FGF12: variants seen among roughly 807,000 people sequenced by gnomAD.
The protein encoded by FGF12 is fibroblast growth factor 12B.
In FGF12, 14 loss-of-function variants were observed where a neutral mutation model predicts 23.6. That is an observed-to-expected ratio of 0.59 (90% confidence interval 0.39 to 0.93). The LOEUF (loss-of-function observed/expected upper bound fraction) is 0.93, where lower values mean the gene tolerates loss of function less well. FGF12 is among the 40% of genes least tolerant of loss of function. The pLI, the probability that FGF12 is intolerant of heterozygous loss-of-function variation, is 0.00. For missense variants in FGF12, 175 were observed against 217.8 expected (o/e 0.80, Z 1.24); for synonymous variants, 62 against 77.3 (o/e 0.80, Z 1.04).
At chr3:192,337,170 T>G (rs1020043462) in intron 3 of FGF12, among the ~76,000 whole-genome samples, 2 of 152,176 alleles carry the variant, frequency 1.3e-5, no homozygotes, top group African/African-American at 4.8e-5. Context: ...CAGTGTATAA[T>G]TTACTTCTAT....
At position 192,358,030 on chromosome 3, in the gene FGF12, T is replaced by C. The variant is rs532818730; in HGVS notation, c.124+2398A>G. On this transcript the variant is annotated intron_variant, in intron 3 of 5. Transcript: ENST00000445105. Reference sequence around the variant, plus strand: ...AATAAAGCAAATAAATATATTACCATATACAAACCTCACAACCATAATATT... The same window carrying C: ...AATAAAGCAAATAAATATATTACCACATACAAACCTCACAACCATAATATT... Among the ~76,000 whole-genome samples the C allele has an allele frequency of 4.6e-5, 7 of 152,270 alleles. No homozygotes were observed. In the South Asian group the frequency reaches 1.2e-3, roughly 27 times the overall value.
chr3:192,370,334 A>C (rs1719172573), intron 2 of FGF12, among the ~76,000 whole-genome samples: 1 of 152,170 alleles, frequency 6.6e-6, no homozygotes, highest in African/African-American at 2.4e-5. Flanking sequence ...TTTGTGTATA[A>C]TATAACACAA....
intron 5 of FGF12, among the ~76,000 whole-genome samples, chr3:192,151,046 G>T (rs1714027158): frequency 6.8e-6 from 1 of 146,224 alleles, no homozygotes; most frequent in Non-Finnish European, 1.5e-5. Context: ...CTTGTAAGTT[G>T]GATTCCTAGG....
chr3:192,229,493 T>C (rs925306073), intron 4 of FGF12, among the ~76,000 whole-genome samples: 2 of 152,072 alleles, frequency 1.3e-5, no homozygotes, highest in African/African-American at 2.4e-5. Context: ...CAAGTGTGTG[T>C]TGATCATTGC....
intron 2 of FGF12, among the ~76,000 whole-genome samples, chr3:192,660,040 G>A (rs972966897): frequency 6.6e-6 from 1 of 151,794 alleles, no homozygotes; most frequent in Non-Finnish European, 1.5e-5. Context: ...AAATCATGCT[G>A]CTATAAAGAC....
At chr3:192,343,802 T>C (rs1003078041) in intron 3 of FGF12, among the ~76,000 whole-genome samples, 3 of 152,184 alleles carry the variant, frequency 2.0e-5, no homozygotes, top group Non-Finnish European at 4.4e-5. Context: ...TAGGGATTCA[T>C]AGAATATAAC....
intron 2 of FGF12, among the ~76,000 whole-genome samples, chr3:192,651,106 T>A (rs1396348027): frequency 6.6e-6 from 1 of 152,234 alleles, no homozygotes; most frequent in African/African-American, 2.4e-5. Context: ...GTTAAATGTG[T>A]AAATTCAGGT....
intron 2 of FGF12, among the ~76,000 whole-genome samples, chr3:192,688,645 C>A (rs73195160): frequency 0.16 from 23,816 of 152,056 alleles, 2,119 homozygotes; most frequent in African/African-American, 0.25. Flanking sequence ...CAAAATAATT[C>A]TCTAAAGAAG....
At chr3:192,602,258 C>G (rs1435783825) in intron 2 of FGF12, among the ~76,000 whole-genome samples, 1 of 151,986 alleles carries the variant, frequency 6.6e-6, no homozygotes, top group African/African-American at 2.4e-5. Context: ...CTTAAAATGG[C>G]TCAAAACATA....
intron 2 of FGF12, among the ~76,000 whole-genome samples, chr3:192,483,283 C>T (rs1723532260): frequency 6.6e-6 from 1 of 152,046 alleles, no homozygotes; most frequent in African/African-American, 2.4e-5. Context: ...AGTTCAAATG[C>T]CCCCTCTTTC....
intron 2 of FGF12, among the ~76,000 whole-genome samples, chr3:192,706,868 C>T (rs1718489158): frequency 6.6e-6 from 1 of 152,174 alleles, no homozygotes. Context: ...AGCCAAGATT[C>T]TAAGGCGACT....
In FGF12 at chr3:192,158,413, T is replaced by TTCTCTC. The variant is rs1385431512; in HGVS notation, c.427+12044_427+12045insGAGAGA. On this transcript the variant is annotated intron_variant, in intron 5 of 5. Transcript: ENST00000445105. ...TTTCTCTCTCTTTCTTTTTCTTTCT[T>TTCTCTC]TCTCTTTCTTTTTCTTTTTTCTTTC... is the stretch of plus-strand genomic sequence containing the variant. Among the ~76,000 whole-genome samples, 33 of 7,026 alleles carry TTCTCTC rather than the reference T, an allele frequency of 4.7e-3. 1 individual carries two copies. The highest frequency in any genetic ancestry group is 0.011 in the African/African-American group (33 of 3,056). 4.6% of individuals were successfully genotyped at this position (7,026 alleles called of 152,430 possible).
Position 192,427,817 on chromosome 3 carries a change from A to G in FGF12, c.14-67279T>C, listed in dbSNP as rs1721739826. 2.0e-5 allele frequency among the ~76,000 whole-genome samples: 3 copies of G among 152,204 alleles called. No individual in the cohort carries two copies. In the South Asian group the frequency reaches 6.2e-4, roughly 32 times the overall value. On this transcript the variant is annotated intron_variant, in intron 2 of 5. Coordinates refer to ENST00000445105, the MANE Select transcript of FGF12 (RefSeq NM_004113.6). ...CTCATCTGTGTGACTTCCAAGAAAC[A>G]CAGAGACAGCCACTTACTGCAGCCA...
chr3:192,510,743 G>T (rs1453633817), intron 2 of FGF12, among the ~76,000 whole-genome samples: 1 of 152,158 alleles, frequency 6.6e-6, no homozygotes, highest in African/African-American at 2.4e-5. Flanking sequence ...TGGGTGAATG[G>T]ATAAATAAAT....
intron 2 of FGF12, among the ~76,000 whole-genome samples, chr3:192,695,500 T>C (rs1220688571): frequency 6.6e-6 from 1 of 152,196 alleles, no homozygotes; most frequent in East Asian, 1.9e-4. Context: ...GAAACTTTCC[T>C]ATCACCTACT....
intron 2 of FGF12, among the ~76,000 whole-genome samples, chr3:192,686,426 TCAC>T (rs1307277457): frequency 1.3e-5 from 2 of 152,088 alleles, no homozygotes; most frequent in African/African-American, 2.4e-5. Context: ...CCACTCCCCA[TCAC>T]CACAACCCCA....
intron 5 of FGF12, among the ~76,000 whole-genome samples, chr3:192,155,268 G>A (rs13092690): frequency 0.14 from 21,443 of 151,956 alleles, 1,636 homozygotes; most frequent in South Asian, 0.22. Context: ...AGAAATCACC[G>A]GTCTTCTGCA....
At chr3:192,634,757 TA>T (rs1715518199) in intron 2 of FGF12, among the ~76,000 whole-genome samples, 1 of 152,166 alleles carries the variant, frequency 6.6e-6, no homozygotes, top group Admixed American at 6.5e-5. Context: ...TACTTAAAAT[TA>T]ATTAGCTAAA....
intron 2 of FGF12, among the ~76,000 whole-genome samples, chr3:192,662,587 CTT>C (rs1260027831): frequency 6.6e-6 from 1 of 152,158 alleles, no homozygotes; most frequent in Non-Finnish European, 1.5e-5. Flanking sequence ...TTGATAGACT[CTT>C]TTAAATACAG....
Sources: gnomAD v4.1 joint callset for allele counts (sites outside exome capture counted in the v4.1 genomes callset) on GRCh38, gnomAD v4.1.1 for gene constraint, MANE v1.5 for transcripts, NCBI Gene and HGNC (gene_info 2026-07-23, HGNC 2026-07-21) for gene names.